Variants in CABP1 observed in about 807,000 individuals in gnomAD.
CABP1 encodes calcium binding protein 1, also known as calcium-binding protein 1.
Under a neutral mutation model 34.3 loss-of-function variants are expected in CABP1, and 17 were observed. The observed-to-expected ratio is 0.50, with a 90% CI of 0.34 to 0.74. CABP1 has a LOEUF of 0.74. Among genes scored for constraint, CABP1 ranks in the 30% least tolerant of loss-of-function variants. The pLI, the probability that CABP1 is intolerant of heterozygous loss-of-function variation, is 0.01. For missense variants in CABP1, 373 were observed against 511.1 expected (o/e 0.73, Z 2.61); for synonymous variants, 198 against 229.2 (o/e 0.86, Z 1.23).
At position 120,667,200 on chromosome 12, in the gene CABP1, G is replaced by C; in HGVS notation, c.*300G>C. The C allele has an allele frequency of 3.7e-6, 2 of 538,348 alleles. No homozygotes were observed. Among genetic ancestry groups the C allele is most frequent in the Non-Finnish European group, 6.7e-6 (2 of 298,508 alleles). 33.3% of individuals were successfully genotyped at this position (538,348 alleles called of 1,614,324 possible). A position where few individuals can be genotyped will look rare whatever the true frequency, so the allele number is the denominator to read the frequency against. On this transcript the variant is annotated 3_prime_UTR_variant, in exon 6 of 6. Coordinates refer to ENST00000316803, the MANE Select transcript of CABP1 (RefSeq NM_001033677.2). The stretch of plus-strand genomic sequence containing the variant: ...TGCTGCTGGCTGGGTGGGCCAGGGA[G>C]CCCGCCAGCAGACCCCACACAGCAT...
At position 120,641,690 on chromosome 12, in the gene CABP1, CTCCTCTG is replaced by C. The variant is rs1019251898; in HGVS notation, c.654+352_654+358del. ...CTCCGAGCAGGTGGCGCCAAACCCA[CTCCTCTG>C]GCCTCTGGCCAGTACCGCCAGGGAG... On this transcript the variant is annotated intron_variant, in intron 1 of 5. Transcript: ENST00000316803. The surrounding 1 kb of genome is among the most constrained non-coding windows in gnomAD (Gnocchi z 6.7). 9.5e-6 allele frequency: 2 copies of C among 210,556 alleles called. No homozygotes were observed. Among genetic ancestry groups the C allele is most frequent in the African/African-American group, 4.6e-5 (2 of 43,736 alleles). The allele number at this position is 210,556 out of a possible 1,614,324, so 13.0% of individuals were successfully genotyped here.
chr12:120,666,926 C>T lies in CABP1; in HGVS notation c.*26C>T. ...GGCCGCGAGGGCCCCTCCAGGACTG[C>T]CAAGCTCCCAAAGGCGGGGCTAAGA... is the stretch of plus-strand genomic sequence containing the variant. On this transcript the variant is annotated 3_prime_UTR_variant, in exon 6 of 6. Transcript: ENST00000316803. The T allele has an allele frequency of 6.3e-7, 1 of 1,596,832 alleles. No individual in the cohort carries two copies. Among genetic ancestry groups the T allele is most frequent in the Admixed American group, 1.7e-5 (1 of 58,586 alleles).
intron 1 of CABP1, among the ~76,000 whole-genome samples, chr12:120,649,847 T>G (rs1043660212): frequency 2.0e-5 from 3 of 152,088 alleles, no homozygotes; most frequent in Admixed American, 2.0e-4. Context: ...TGGAGCATGA[T>G]GGAGGCGTCA....
chr12:120,669,251 G>A (rs1468410624), downstream of CABP1, among the ~76,000 whole-genome samples: 1 of 152,254 alleles, frequency 6.6e-6, no homozygotes, highest in East Asian at 1.9e-4. Context: ...AGGTCAGTGG[G>A]GCTGGGAGCT....
At chr12:120,648,087 C>T (rs925930316) in intron 1 of CABP1, among the ~76,000 whole-genome samples, 1 of 152,150 alleles carries the variant, frequency 6.6e-6, no homozygotes, top group Admixed American at 6.5e-5. Context: ...TTACATATAT[C>T]CACCCATTCA....
chr12:120,656,222 G>C (rs1322860247), intron 1 of CABP1: 1 of 1,591,060 alleles, frequency 6.3e-7, no homozygotes. Flanking sequence ...CAACCTGCTG[G>C]GCCCTGCCTG....
the CABP1 span, among the ~76,000 whole-genome samples, chr12:120,673,141 A>G: frequency 2.8e-4 from 42 of 152,204 alleles, no homozygotes; most frequent in African/African-American, 9.6e-4. Flanking sequence ...CTATGATTGC[A>G]AAGGGGCACA....
chr12:120,672,904 C>T, the CABP1 span, among the ~76,000 whole-genome samples: 1 of 152,102 alleles, frequency 6.6e-6, no homozygotes, highest in Non-Finnish European at 1.5e-5. Context: ...GTGGTGTGCG[C>T]CTGCAATCTC....
chr12:120,658,904 T>C (rs1880433733), intron 1 of CABP1: 1 of 152,280 alleles, frequency 6.6e-6, no homozygotes, highest in African/African-American at 2.4e-5. Context: ...TTTTGGAGTC[T>C]ACTAACCAGG....
intron 5 of CABP1, among the ~76,000 whole-genome samples, chr12:120,665,986 C>A (rs1417465432): frequency 6.7e-6 from 1 of 148,258 alleles, no homozygotes; most frequent in Non-Finnish European, 1.5e-5. Context: ...CCACTGCACT[C>A]CAGCCTAGGT....
chr12:120,641,036 G>A lies in CABP1; in HGVS notation c.351G>A (p.Ser117=). The change falls in exon 1 of 6, where the codon TCG becomes TCA. Residue 117 remains serine, a synonymous_variant. Coordinates refer to ENST00000316803, the MANE Select transcript of CABP1 (RefSeq NM_001033677.2). This position sits in a 1 kb window ranked among gnomAD's most constrained non-coding sequence, Gnocchi z 6.7. ...ATPQSSGDPS[S]RRPLCRPAPR... is the part of the protein sequence containing the mutation. ...CGCAGTCGTCCGGGGACCCCAGTTCGCGGAGGCCCCTGTGCCGGCCGGCGC... is the reference window on the plus strand; with the variant it reads ...CGCAGTCGTCCGGGGACCCCAGTTCACGGAGGCCCCTGTGCCGGCCGGCGC... 8.5e-7 allele frequency: 1 copy of A among 1,177,426 alleles called. No individual in the cohort carries two copies. The highest frequency in any genetic ancestry group is 1.0e-6 in the Non-Finnish European group (1 of 953,250). 72.9% of individuals were successfully genotyped at this position (1,177,426 alleles called of 1,614,324 possible).
the CABP1 span, among the ~76,000 whole-genome samples, chr12:120,680,290 A>C: frequency 6.6e-6 from 1 of 152,156 alleles, no homozygotes; most frequent in Non-Finnish European, 1.5e-5. Context: ...CCTTACATCA[A>C]TGTGGTGTGC....
downstream of CABP1, among the ~76,000 whole-genome samples, chr12:120,669,917 G>T (rs557174914): frequency 7.9e-5 from 12 of 152,164 alleles, no homozygotes; most frequent in African/African-American, 2.6e-4. Flanking sequence ...CCAGTAATTT[G>T]TCTTTTTGTT....
At chr12:120,642,237 G>A (rs1422483020) in intron 1 of CABP1, among the ~76,000 whole-genome samples, 1 of 152,120 alleles carries the variant, frequency 6.6e-6, no homozygotes, top group East Asian at 1.9e-4. Context: ...CAGTTCTGTG[G>A]CAGCCTCCGA....
At chr12:120,656,202 C>G (rs763740460) in intron 1 of CABP1, 11 of 1,606,662 alleles carry the variant, frequency 6.8e-6, no homozygotes, top group Middle Eastern at 1.7e-4. Context: ...CAGAACTGCG[C>G]AGTCATGCAC....
At chr12:120,658,900 A>T (rs756384194) in intron 1 of CABP1, 1 of 152,182 alleles carries the variant, frequency 6.6e-6, no homozygotes, top group Admixed American at 6.5e-5. Context: ...CCACTTTTGG[A>T]GTCTACTAAC....
At chr12:120,647,443 G>C (rs551884964) in intron 1 of CABP1, among the ~76,000 whole-genome samples, 1 of 149,932 alleles carries the variant, frequency 6.7e-6, no homozygotes, top group Admixed American at 6.7e-5. Context: ...GGCTGGTCTC[G>C]AACTCCTGGG....
In CABP1 at chr12:120,641,507, C is replaced by A. The variant is rs1321515018; in HGVS notation, c.654+168C>A. ...CGCCCTTGCCGGCACTCCTCCTCCC[C>A]GTGCCTGATTCAGCACCCCGTGCGC... On this transcript the variant is annotated intron_variant, in intron 1 of 5. Transcript: ENST00000316803. This position sits in a 1 kb window ranked among gnomAD's most constrained non-coding sequence, Gnocchi z 6.7. 3.0e-6 allele frequency: 2 copies of A among 670,738 alleles called. No homozygotes were observed. Among genetic ancestry groups the A allele is most frequent in the Non-Finnish European group, 4.2e-6 (2 of 476,534 alleles). 41.5% of individuals were successfully genotyped at this position (670,738 alleles called of 1,614,324 possible).
At chr12:120,655,462 TG>T in intron 1 of CABP1, 1 of 908,538 alleles carries the variant, frequency 1.1e-6, no homozygotes, top group Non-Finnish European at 1.3e-6. Context: ...GTTTCCACTT[TG>T]CCCCAGTCCC....
Sources: gnomAD v4.1 joint callset for allele counts (sites outside exome capture counted in the v4.1 genomes callset) on GRCh38, gnomAD v4.1.1 for gene constraint, Gnocchi (gnomAD v3.1) non-coding constraint, MANE v1.5 for transcripts, NCBI Gene and HGNC (gene_info 2026-07-23, HGNC 2026-07-21) for gene names.